Variants in PTPRK observed in about 807,000 individuals in gnomAD.
PTPRK encodes receptor-type tyrosine-protein phosphatase kappa.
Under a neutral mutation model 178.0 loss-of-function variants are expected in PTPRK, and 75 were observed. The observed-to-expected ratio is 0.42, with a 90% CI of 0.35 to 0.51. The LOEUF is 0.51. Ranked by LOEUF, PTPRK falls within the 20% of genes least tolerant of loss-of-function variation. The probability of loss-of-function intolerance (pLI) is 0.02; values close to 1 mark genes in which losing one functional copy is unlikely to be tolerated. For synonymous variants in PTPRK, 637 were observed against 620.6 expected (o/e 1.03, Z -0.39); for missense variants, 1,441 against 1,797.8 (o/e 0.80, Z 3.59).
intron 1 of PTPRK, among the ~76,000 whole-genome samples, chr6:128,417,857 G>A (rs978932355): frequency 2.0e-5 from 3 of 152,114 alleles, no homozygotes; most frequent in African/African-American, 4.8e-5. Context: ...GGTCCTTTTC[G>A]TGTCTAATTC....
chr6:128,138,505 T>C (rs1795321717), intron 7 of PTPRK, among the ~76,000 whole-genome samples: 1 of 152,130 alleles, frequency 6.6e-6, no homozygotes, highest in Admixed American at 6.6e-5. Flanking sequence ...TTAAAGATTA[T>C]TGTCCTATGG....
At chr6:128,118,465 A>G (rs1463060208) in intron 7 of PTPRK, among the ~76,000 whole-genome samples, 2 of 152,230 alleles carry the variant, frequency 1.3e-5, no homozygotes, top group Admixed American at 6.5e-5. Flanking sequence ...CAATAAAACT[A>G]AAGAAGTTTT....
intron 3 of PTPRK, among the ~76,000 whole-genome samples, chr6:128,250,476 A>G (rs1031749588): frequency 6.6e-6 from 1 of 152,190 alleles, no homozygotes; most frequent in Non-Finnish European, 1.5e-5. Context: ...AAAGAGTCCC[A>G]ATATGTCACA....
chr6:128,498,059 G>A (rs1316368203), intron 1 of PTPRK, among the ~76,000 whole-genome samples: 3 of 151,788 alleles, frequency 2.0e-5, no homozygotes, highest in Admixed American at 6.6e-5. Flanking sequence ...AAAAACAAAA[G>A]CAAAAAAACA....
At chr6:128,250,099 A>G (rs1816218259) in intron 3 of PTPRK, among the ~76,000 whole-genome samples, 1 of 152,174 alleles carries the variant, frequency 6.6e-6, no homozygotes. Flanking sequence ...CAAGGCACAT[A>G]AGAAGTGCCT....
At chr6:128,018,452 C>T (rs1187200875) in intron 13 of PTPRK, among the ~76,000 whole-genome samples, 1 of 151,548 alleles carries the variant, frequency 6.6e-6, no homozygotes, top group Non-Finnish European at 1.5e-5. Flanking sequence ...TTCAACATCT[C>T]TGGAAAAACA....
chr6:128,345,003 G>C (rs931212844), intron 2 of PTPRK, among the ~76,000 whole-genome samples: 13 of 151,212 alleles, frequency 8.6e-5, no homozygotes, highest in Non-Finnish European at 1.9e-4. Context: ...AGAATGGGGG[G>C]GGAAAGTAGG....
At chr6:128,170,877 T>A (rs889584396) in intron 7 of PTPRK, among the ~76,000 whole-genome samples, 2 of 151,852 alleles carry the variant, frequency 1.3e-5, no homozygotes, top group African/African-American at 4.8e-5. Context: ...AACTAGCATT[T>A]TTAGACATAA....
intron 6 of PTPRK, among the ~76,000 whole-genome samples, chr6:128,204,201 T>C (rs547724837): frequency 1.3e-5 from 2 of 152,274 alleles, no homozygotes; most frequent in Admixed American, 6.5e-5. Flanking sequence ...TAAATGGTGC[T>C]GGGAGAACTG....
chr6:128,241,536 T>A (rs193006954), intron 4 of PTPRK, among the ~76,000 whole-genome samples: 2 of 152,222 alleles, frequency 1.3e-5, no homozygotes, highest in African/African-American at 4.8e-5. Flanking sequence ...TCAGGGAGGA[T>A]TGCTGAACAG....
At chr6:128,160,086 A>ATT (rs1449472396) in intron 7 of PTPRK, among the ~76,000 whole-genome samples, 1 of 151,658 alleles carries the variant, frequency 6.6e-6, no homozygotes, top group East Asian at 1.9e-4. Context: ...ACGTAACTTA[A>ATT]AAAGAGGACA....
At chr6:128,375,053 C>T (rs142817830) in intron 2 of PTPRK, among the ~76,000 whole-genome samples, 12 of 133,752 alleles carry the variant, frequency 9.0e-5, no homozygotes, top group African/African-American at 2.0e-4. Flanking sequence ...TACTTAGAAA[C>T]ACTGCATTAT....
At chr6:128,015,585 C>T (rs959889605) in intron 13 of PTPRK, among the ~76,000 whole-genome samples, 3 of 151,728 alleles carry the variant, frequency 2.0e-5, no homozygotes, top group Non-Finnish European at 4.4e-5. Context: ...GAAGAAATGA[C>T]TTCACTGCTT....
intron 3 of PTPRK, among the ~76,000 whole-genome samples, chr6:128,307,161 A>C (rs908979714): frequency 2.5e-5 from 2 of 79,532 alleles, no homozygotes; most frequent in Non-Finnish European, 5.0e-5. Flanking sequence ...AGAAAAAAAA[A>C]TATATATATA....
intron 7 of PTPRK, among the ~76,000 whole-genome samples, chr6:128,147,777 G>A (rs1796698185): frequency 1.3e-5 from 2 of 152,122 alleles, no homozygotes; most frequent in Admixed American, 1.3e-4. Flanking sequence ...TGAGAAGTGA[G>A]GAAGTGCTCT....
At chr6:128,203,406 T>C (rs184490754) in intron 6 of PTPRK, among the ~76,000 whole-genome samples, 3 of 152,210 alleles carry the variant, frequency 2.0e-5, no homozygotes, top group East Asian at 1.9e-4. Context: ...CTATTCAACA[T>C]AGTATTGAAA....
chr6:128,433,207 T>C (rs1232330527), intron 1 of PTPRK, among the ~76,000 whole-genome samples: 1 of 152,152 alleles, frequency 6.6e-6, no homozygotes, highest in South Asian at 2.1e-4. Context: ...CGAGAACGTA[T>C]TCCTTCTATC....
intron 1 of PTPRK, among the ~76,000 whole-genome samples, chr6:128,495,610 TAC>T (rs1854539957): frequency 6.6e-6 from 1 of 152,198 alleles, no homozygotes; most frequent in Non-Finnish European, 1.5e-5. Flanking sequence ...TCTCTCACCC[TAC>T]AGTCACTTAG....
intron 12 of PTPRK, among the ~76,000 whole-genome samples, chr6:128,065,120 C>T (rs1018270967): frequency 3.9e-5 from 6 of 152,038 alleles, no homozygotes; most frequent in Non-Finnish European, 8.8e-5. Flanking sequence ...AATGTACTTG[C>T]AAAGCTAATA....
Sources: allele counts gnomAD v4.1 joint callset (sites outside exome capture counted in the v4.1 genomes callset), GRCh38; gene constraint gnomAD v4.1.1; transcripts MANE v1.5; gene names NCBI Gene and HGNC (gene_info 2026-07-23, HGNC 2026-07-21).